Variants in ZNF324B observed in about 807,000 individuals in gnomAD.
ZNF324B encodes the protein zinc finger protein 324B.
Under a neutral mutation model 10.6 loss-of-function variants are expected in ZNF324B, and 7 were observed. The ratio of observed to expected loss-of-function variants is 0.66; its 90% CI spans 0.38 to 1.24. ZNF324B has a LOEUF of 1.24. Ranked by LOEUF, ZNF324B falls within the 50% of genes most tolerant of loss-of-function variation. ZNF324B has a pLI of 0.02. For synonymous variants in ZNF324B, 316 were observed against 321.0 expected (o/e 0.98, Z 0.17); for missense variants, 640 against 764.7 (o/e 0.84, Z 1.92).
At chr19:58,427,644 C>T in the ZNF324B span, among the ~76,000 whole-genome samples, 43 of 150,670 alleles carry the variant, frequency 2.9e-4, no homozygotes, top group Admixed American at 1.4e-3. Context: ...CGTGAGCTAC[C>T]GCGCCCAGCC....
chr19:58,451,772 G>A (rs1194639486), intron 1 of ZNF324B, 68 bp downstream of exon 1: 2 of 334,492 alleles, frequency 6.0e-6, no homozygotes, highest in African/African-American at 2.3e-5. Context: ...TGGTCGGCCC[G>A]GGGGCGGTCG....
the ZNF324B span, among the ~76,000 whole-genome samples, chr19:58,420,376 A>G: frequency 2.6e-5 from 4 of 151,600 alleles, no homozygotes; most frequent in Non-Finnish European, 5.9e-5. Context: ...CCAAGATCTC[A>G]CCACTATTCT....
chr19:58,451,094 A>G (rs1287876753), upstream of ZNF324B, among the ~76,000 whole-genome samples: 6 of 152,208 alleles, frequency 3.9e-5, no homozygotes, highest in Non-Finnish European at 8.8e-5. Context: ...TTCTTGGTGT[A>G]GAGGTTGAAA....
At chr19:58,448,857 A>G (rs1208008042), upstream of ZNF324B, among the ~76,000 whole-genome samples, 1 of 152,248 alleles carries the variant, frequency 6.6e-6, no homozygotes, top group Non-Finnish European at 1.5e-5. Flanking sequence ...AAGTTCAGAA[A>G]ATTTGCAGCC....
chr19:58,444,360 C>T, the ZNF324B span: 1 of 152,326 alleles, frequency 6.6e-6, no homozygotes, highest in South Asian at 2.1e-4. Flanking sequence ...GTTATCTGCA[C>T]ATGGTGGCTC....
At position 58,451,694 on chromosome 19, in the gene ZNF324B, C is replaced by T. The variant is rs757332587; in HGVS notation, c.-17C>T. The T allele has an allele frequency of 7.8e-5, 39 of 498,548 alleles. No individual in the cohort carries two copies. The highest frequency in any genetic ancestry group is 1.4e-4 in the Non-Finnish European group (36 of 251,636). 30.9% of individuals were successfully genotyped at this position (498,548 alleles called of 1,614,324 possible). ...CGCGCGGGTCGGGGCCCGAGGCGGG[C>T]GGCCAGGAAGGTACGGACCACGAGC... On this transcript the variant is annotated 5_prime_UTR_variant, in exon 1 of 4. Transcript: ENST00000336614.
rs1353987107 is a variant in ZNF324B at position 58,454,325 on chromosome 19, C to G, written c.219C>G (p.Thr73=). 6.2e-7 allele frequency: 1 copy of G among 1,613,592 alleles called. No individual in the cohort carries two copies. Among genetic ancestry groups the G allele is most frequent in the Admixed American group, 1.7e-5 (1 of 60,022 alleles). The change falls in exon 3 of 4, where the codon ACC becomes ACG. Residue 73 remains threonine, a synonymous_variant. Transcript: ENST00000336614. ...AGGACATGACCCTGGCCAGGAACAC[C>G]TACGGGAGGCTCAACTCTGGTGAGT... ...SGKDMTLARN[T]YGRLNSGSWS...
At chr19:58,426,767 G>T in the ZNF324B span, among the ~76,000 whole-genome samples, 339 of 152,312 alleles carry the variant, frequency 2.2e-3, 2 homozygotes, top group African/African-American at 7.9e-3. Flanking sequence ...AGGCCCAGGG[G>T]CAAGGAACTG....
rs368796974 is a variant in ZNF324B at position 58,453,710 on chromosome 19, C to T, written c.9C>T (p.Phe3=). The stretch of plus-strand genomic sequence containing the variant: ...TGCTGTTTTAGGACCTGATGACCTT[C>T]GAGGATGTGGCCGTGTACTTCTCCC... The part of the protein sequence containing the change: MT[F]EDVAVYFSQE... Residue 3 remains phenylalanine (F), a synonymous_variant, in exon 2 of 4, where the codon TTC becomes TTT. Coordinates refer to ENST00000336614, the MANE Select transcript of ZNF324B (RefSeq NM_207395.3). 256 of 1,614,074 alleles carry T rather than the reference C, an allele frequency of 1.6e-4. No individual in the cohort carries two copies. The highest frequency in any genetic ancestry group is 1.9e-4 in the Non-Finnish European group (227 of 1,180,024).
At chr19:58,441,480 TA>T in the ZNF324B span, 1 of 152,046 alleles carries the variant, frequency 6.6e-6, no homozygotes, top group East Asian at 1.9e-4. Flanking sequence ...TAAGCATGAG[TA>T]GGGGTGAAGG....
chr19:58,442,913 C>G, the ZNF324B span: 1 of 152,288 alleles, frequency 6.6e-6, no homozygotes, highest in Non-Finnish European at 1.5e-5. Flanking sequence ...TGGAAGAGGA[C>G]CCGCGGGTTG....
rs1251875298 is a variant in ZNF324B at position 58,455,333 on chromosome 19, C to T, written c.389C>T (p.Pro130Leu). 7 of 1,614,214 alleles carry T rather than the reference C, an allele frequency of 4.3e-6. No homozygotes were observed. The South Asian group carries it at 6.6e-5, about 15-fold the overall frequency. ...KSLQRQPGASPSQERKPTGVS... is the reference protein window; with the variant it reads ...KSLQRQPGASLSQERKPTGVS... ...CTGCAGCGACAACCGGGTGCCTCCCCATCTCAGGAGAGAAAACCCACGGGG... is the reference window on the plus strand; with the variant it reads ...CTGCAGCGACAACCGGGTGCCTCCCTATCTCAGGAGAGAAAACCCACGGGG... Residue 130 changes from proline (P) to leucine (L), a missense_variant, in exon 4 of 4, where the codon CCA becomes CTA. Pro to Leu is a moderately conservative substitution (Grantham distance 98, BLOSUM62 -3). Coordinates refer to ENST00000336614, the MANE Select transcript of ZNF324B (RefSeq NM_207395.3). This position sits in a 1 kb window ranked among gnomAD's most constrained non-coding sequence, Gnocchi z 7.0.
chr19:58,435,272 T>C, the ZNF324B span: 2 of 1,539,344 alleles, frequency 1.3e-6, no homozygotes, highest in Admixed American at 1.9e-5. Context: ...GTTGACTTCA[T>C]TAGAAATGTT....
the ZNF324B span, chr19:58,430,667 C>A: frequency 4.6e-5 from 7 of 152,222 alleles, no homozygotes; most frequent in African/African-American, 1.4e-4. Flanking sequence ...TCCTTAGATG[C>A]AGGGGTTTTC....
the ZNF324B span, among the ~76,000 whole-genome samples, chr19:58,438,824 G>A: frequency 4.6e-4 from 70 of 150,620 alleles, no homozygotes; most frequent in Admixed American, 3.3e-3. Flanking sequence ...AGGCTGGAGC[G>A]CAGTGGCACG....
chr19:58,420,686 GT>G, the ZNF324B span, among the ~76,000 whole-genome samples: 3 of 151,900 alleles, frequency 2.0e-5, no homozygotes, highest in Non-Finnish European at 2.9e-5. Context: ...GTGTGACACT[GT>G]TCCTGGCTTA....
the ZNF324B span, among the ~76,000 whole-genome samples, chr19:58,426,276 G>A: frequency 1.3e-5 from 2 of 152,190 alleles, no homozygotes; most frequent in Non-Finnish European, 2.9e-5. Flanking sequence ...TGGCGTGGTA[G>A]GACAACATTG....
At chr19:58,433,891 C>T in the ZNF324B span, 1 of 1,614,084 alleles carries the variant, frequency 6.2e-7, no homozygotes, top group Non-Finnish European at 8.5e-7. Flanking sequence ...CCTACATTCG[C>T]TGCACTCATA....
At chr19:58,434,594 AC>A in the ZNF324B span, 1 of 1,613,906 alleles carries the variant, frequency 6.2e-7, no homozygotes, top group Non-Finnish European at 8.5e-7. Context: ...CCAGTGTGAA[AC>A]TTTTTATTAC....
Sources: gnomAD v4.1 joint callset for allele counts (sites outside exome capture counted in the v4.1 genomes callset) on GRCh38, gnomAD v4.1.1 for gene constraint, Gnocchi (gnomAD v3.1) non-coding constraint, MANE v1.5 for transcripts, NCBI Gene and HGNC (gene_info 2026-07-23, HGNC 2026-07-21) for gene names.